The following LHFPL3 variants were observed in gnomAD, a reference collection of about 807,000 sequenced individuals.
The protein encoded by LHFPL3 is LHFPL tetraspan subfamily member 3.
A neutral mutation model predicts 19.3 loss-of-function variants in LHFPL3; 5 were observed. That is an observed-to-expected ratio of 0.26 (90% CI 0.14 to 0.54). The LOEUF (loss-of-function observed/expected upper bound fraction) is 0.54. LHFPL3 is among the 20% of genes least tolerant of loss of function. The probability of loss-of-function intolerance (pLI) is 0.94; values close to 1 mark genes in which losing one functional copy is unlikely to be tolerated. For missense variants in LHFPL3, 249 were observed against 307.4 expected (o/e 0.81, Z 1.42); for synonymous variants, 133 against 126.2 (o/e 1.05, Z -0.36).
At chr7:104,391,283 G>T (rs1791062451) in intron 1 of LHFPL3, among the ~76,000 whole-genome samples, 1 of 152,160 alleles carries the variant, frequency 6.6e-6, no homozygotes, top group South Asian at 2.1e-4. Flanking sequence ...GAATGGTACT[G>T]CCTAGGTTTT....
At chr7:104,805,154 T>C (rs1275741116) in intron 2 of LHFPL3, among the ~76,000 whole-genome samples, 1 of 152,192 alleles carries the variant, frequency 6.6e-6, no homozygotes. Context: ...CTGACTTCCA[T>C]TTACCTTTCA....
At chr7:104,434,980 G>C (rs1026873107) in intron 1 of LHFPL3, among the ~76,000 whole-genome samples, 1 of 151,738 alleles carries the variant, frequency 6.6e-6, no homozygotes, top group Non-Finnish European at 1.5e-5. Flanking sequence ...GTATATTAAG[G>C]GTTTATTAAG....
chr7:104,639,595 C>A (rs1413698409), intron 1 of LHFPL3, among the ~76,000 whole-genome samples: 1 of 151,998 alleles, frequency 6.6e-6, no homozygotes, highest in Non-Finnish European at 1.5e-5. Flanking sequence ...GATTGAAGTA[C>A]AATTTAATTT....
chr7:104,872,896 G>T (rs765672189), intron 2 of LHFPL3, among the ~76,000 whole-genome samples: 3 of 152,062 alleles, frequency 2.0e-5, no homozygotes, highest in Non-Finnish European at 4.4e-5. Context: ...TAACACAATC[G>T]TTTACTATCA....
chr7:104,789,265 T>C (rs1408161377), intron 2 of LHFPL3, among the ~76,000 whole-genome samples: 1 of 152,094 alleles, frequency 6.6e-6, no homozygotes, highest in African/African-American at 2.4e-5. Flanking sequence ...CACAGACACA[T>C]ACACTCTAAC....
At chr7:104,488,541 C>CTG (rs1793279603) in intron 1 of LHFPL3, among the ~76,000 whole-genome samples, 1 of 151,920 alleles carries the variant, frequency 6.6e-6, no homozygotes, top group South Asian at 2.1e-4. Flanking sequence ...CTCTCTCTCT[C>CTG]TCTCTCTCAT....
chr7:104,655,704 A>G (rs1433151202), intron 1 of LHFPL3, among the ~76,000 whole-genome samples: 2 of 152,196 alleles, frequency 1.3e-5, no homozygotes, highest in Non-Finnish European at 2.9e-5. Flanking sequence ...GTGGGATTTT[A>G]ACTTATGCTG....
chr7:104,689,493 C>T (rs1160835717), intron 1 of LHFPL3, among the ~76,000 whole-genome samples: 1 of 152,132 alleles, frequency 6.6e-6, no homozygotes, highest in Non-Finnish European at 1.5e-5. Context: ...GAACCACAGC[C>T]CCTCAGTCAA....
rs376994128 is a variant in LHFPL3, at chr7:104,618,648, C to A, written c.446-118027C>A. Among the ~76,000 whole-genome samples the A allele has an allele frequency of 2.7e-3, 397 of 148,380 alleles. 5 individuals carry two copies. The highest frequency in any genetic ancestry group is 8.8e-3 in the African/African-American group (357 of 40,688). On this transcript the variant is annotated intron_variant, in intron 1 of 2. Coordinates refer to ENST00000424859, the MANE Select transcript of LHFPL3 (RefSeq NM_199000.3). ...GGTTATGTCATAGACCTAGATAATC[C>A]AAAAAAAATGTTGATTCTTTAAAAA...
chr7:104,397,281 ACT>A (rs1337735593), intron 1 of LHFPL3, among the ~76,000 whole-genome samples: 2 of 151,664 alleles, frequency 1.3e-5, no homozygotes, highest in Non-Finnish European at 1.5e-5. Context: ...TTAAGTAAAC[ACT>A]CTGTTAGCCC....
chr7:104,620,807 C>T (rs962745139), intron 1 of LHFPL3, among the ~76,000 whole-genome samples: 2 of 152,118 alleles, frequency 1.3e-5, no homozygotes, highest in East Asian at 1.9e-4. Flanking sequence ...AATGATGTAC[C>T]CTGATACCTT....
At chr7:104,853,454 G>A (rs1791447990) in intron 2 of LHFPL3, among the ~76,000 whole-genome samples, 1 of 152,110 alleles carries the variant, frequency 6.6e-6, no homozygotes, top group Admixed American at 6.5e-5. Flanking sequence ...GTCTGTTTTT[G>A]CCTTTTCTGG....
chr7:104,668,660 G>A, intron 1 of LHFPL3: 1 of 1,612,174 alleles, frequency 6.2e-7, no homozygotes, highest in South Asian at 1.1e-5. Flanking sequence ...GGGATGATCG[G>A]TCGTGGAGCT....
intron 1 of LHFPL3, among the ~76,000 whole-genome samples, chr7:104,468,394 A>G (rs1792835649): frequency 6.6e-6 from 1 of 152,218 alleles, no homozygotes; most frequent in Non-Finnish European, 1.5e-5. Context: ...CAGTGCCAAT[A>G]GCCAGTAGCT....
intron 1 of LHFPL3, among the ~76,000 whole-genome samples, chr7:104,608,379 A>T (rs553004085): frequency 1.3e-4 from 19 of 151,800 alleles, no homozygotes; most frequent in African/African-American, 4.6e-4. Flanking sequence ...CATCATTCTC[A>T]GCAAACCATC....
chr7:104,419,986 C>CA (rs1384033384), intron 1 of LHFPL3, among the ~76,000 whole-genome samples: 5 of 152,124 alleles, frequency 3.3e-5, no homozygotes, highest in African/African-American at 1.2e-4. Context: ...ACAACAACAA[C>CA]AACAAAAAAC....
intron 2 of LHFPL3, among the ~76,000 whole-genome samples, chr7:104,841,053 G>A (rs1361590293): frequency 2.6e-5 from 4 of 152,112 alleles, no homozygotes; most frequent in Non-Finnish European, 5.9e-5. Flanking sequence ...GGTAAAAGTC[G>A]TGTCCGTTGG....
intron 1 of LHFPL3, among the ~76,000 whole-genome samples, chr7:104,375,592 A>G (rs1200844542): frequency 1.3e-5 from 2 of 152,230 alleles, no homozygotes; most frequent in African/African-American, 4.8e-5. Context: ...AACAAGGCTC[A>G]AAATTACACA....
At chr7:104,622,610 T>G (rs914778490) in intron 1 of LHFPL3, among the ~76,000 whole-genome samples, 2 of 152,204 alleles carry the variant, frequency 1.3e-5, no homozygotes, top group African/African-American at 4.8e-5. Context: ...TTCCCCTTTC[T>G]TCTTTGCCTC....
Sources: allele counts gnomAD v4.1 joint callset (sites outside exome capture counted in the v4.1 genomes callset), GRCh38; gene constraint gnomAD v4.1.1; transcripts MANE v1.5; gene names NCBI Gene and HGNC (gene_info 2026-07-23, HGNC 2026-07-21).